CAMKK2: variants seen among roughly 807,000 people sequenced by gnomAD.
The protein encoded by CAMKK2 is calcium/calmodulin-dependent protein kinase kinase 2.
Under a neutral mutation model 67.2 loss-of-function variants are expected in CAMKK2, and 30 were observed. The ratio of observed to expected loss-of-function variants is 0.45; its 90% confidence interval spans 0.33 to 0.61. The LOEUF (loss-of-function observed/expected upper bound fraction) is 0.61, where lower values mean the gene tolerates loss of function less well. CAMKK2 is among the 20% of genes least tolerant of loss of function. CAMKK2 has a pLI of 0.02. For missense variants in CAMKK2, 643 were observed against 802.0 expected, an observed-to-expected ratio of 0.80 and a Z score of 2.39; for synonymous variants, 322 against 326.2, an observed-to-expected ratio of 0.99 and a Z score of 0.14.
At chr12:121,243,723 G>A (rs949438211) in intron 16 of CAMKK2, 7 of 379,392 alleles carry the variant, frequency 1.8e-5, no homozygotes, top group South Asian at 5.7e-5. Flanking sequence ...TGAAAATGTC[G>A]TAAAGTTGAC....
chr12:121,289,252 G>GAA (rs113246108), intron 1 of CAMKK2, among the ~76,000 whole-genome samples: 1,453 of 144,662 alleles, frequency 0.01, 26 homozygotes, highest in African/African-American at 0.034. Flanking sequence ...TTTCATAATT[G>GAA]AAAAAAAAAA....
At chr12:121,275,536 C>A (rs1896643755) in intron 1 of CAMKK2, among the ~76,000 whole-genome samples, 1 of 147,344 alleles carries the variant, frequency 6.8e-6, no homozygotes. Context: ...GTATATGCCA[C>A]AATATGGATG....
intron 1 of CAMKK2, among the ~76,000 whole-genome samples, chr12:121,283,372 G>A (rs552282815): frequency 3.3e-5 from 5 of 152,216 alleles, no homozygotes; most frequent in African/African-American, 9.6e-5. Flanking sequence ...AACTGAGTCC[G>A]CAAAAACAAA....
rs544594987 is a variant in CAMKK2 at position 121,238,951 on chromosome 12, C to T, written c.*1748G>A. On this transcript the variant is annotated 3_prime_UTR_variant, in exon 17 of 17. Transcript: ENST00000404169. ...AGAGGAAGTGCTGGGTTACAAAGACCCAGCAAGCAGGCCAGACGACCCTCT... is the reference window on the plus strand; with the variant it reads ...AGAGGAAGTGCTGGGTTACAAAGACTCAGCAAGCAGGCCAGACGACCCTCT... The T allele has an allele frequency of 1.3e-5, 2 of 152,726 alleles. No homozygotes were observed. Among genetic ancestry groups the T allele is most frequent in the South Asian group, 4.1e-4 (2 of 4,824 alleles). The allele number at this position is 152,726 out of a possible 1,614,324, so 9.5% of individuals were successfully genotyped here.
In CAMKK2 at chr12:121,253,199, G is replaced by C. The variant is rs1891136389; in HGVS notation, c.1107+74C>G. Reference sequence around the variant, plus strand: ...TTCACTGTTTAAGCCTGTGTGCGTTGGGTTTCTGCTGCTTACAATCCAGAA... The same window carrying C: ...TTCACTGTTTAAGCCTGTGTGCGTTCGGTTTCTGCTGCTTACAATCCAGAA... On this transcript the variant is annotated intron_variant, in intron 10 of 16. Coordinates refer to ENST00000404169, the MANE Select transcript of CAMKK2 (RefSeq NM_001270485.2). The surrounding 1 kb of genome is among the most constrained non-coding windows in gnomAD (Gnocchi z 5.0). 1 of 1,314,754 alleles carries C rather than the reference G, an allele frequency of 7.6e-7. No homozygotes were observed. The highest frequency in any genetic ancestry group is 1.2e-5 in the South Asian group (1 of 82,786). The allele number at this position is 1,314,754 out of a possible 1,614,324, so 81.4% of individuals were successfully genotyped here. A position where few individuals can be genotyped will look rare whatever the true frequency, so the allele number is the denominator to read the frequency against.
At chr12:121,294,275 A>G (rs1189108964) in intron 1 of CAMKK2, among the ~76,000 whole-genome samples, 1 of 152,026 alleles carries the variant, frequency 6.6e-6, no homozygotes, top group Non-Finnish European at 1.5e-5. Context: ...GCCTGCCTAC[A>G]GGACACTTTA....
At chr12:121,281,092 G>C (rs922653225) in intron 1 of CAMKK2, among the ~76,000 whole-genome samples, 1 of 152,166 alleles carries the variant, frequency 6.6e-6, no homozygotes, top group Non-Finnish European at 1.5e-5. Context: ...TCCCCCGGAC[G>C]CCCAGCTTTA....
rs1893994396 is a variant in CAMKK2 at position 121,263,956 on chromosome 12, C to T, written c.626-17G>A. ...GAGGGCGACCTGAAGGAAACAAAAA[C>T]AGACCCAGGGTCAGGGCAAAGAGAC... On this transcript the variant is annotated splice_polypyrimidine_tract_variant and intron_variant, in intron 5 of 16. Coordinates refer to ENST00000404169, the MANE Select transcript of CAMKK2 (RefSeq NM_001270485.2). The T allele has an allele frequency of 6.3e-7, 1 of 1,583,344 alleles. No individual in the cohort carries two copies.
intron 7 of CAMKK2, among the ~76,000 whole-genome samples, chr12:121,258,978 G>C (rs186566114): frequency 4.0e-5 from 6 of 151,804 alleles, no homozygotes; most frequent in Middle Eastern, 6.8e-3. Context: ...GAGTAGCCAA[G>C]ATTATAGGTG....
intron 1 of CAMKK2, among the ~76,000 whole-genome samples, chr12:121,293,752 C>A (rs997128961): frequency 6.6e-6 from 1 of 152,090 alleles, no homozygotes; most frequent in East Asian, 1.9e-4. Context: ...TCTGGCCCAT[C>A]CTTCAAGGCT....
Position 121,250,020 on chromosome 12 carries a change from G to A in CAMKK2, c.1176C>T (p.Asp392=), listed in dbSNP as rs201642728. 3.6e-5 allele frequency: 58 copies of A among 1,612,882 alleles called. No homozygotes were observed. Among genetic ancestry groups the A allele is most frequent in the Admixed American group, 1.0e-4 (6 of 59,774 alleles). ...TACTGTGTAAACACATGATCCGCTC[G>A]TCCATGAATGGGCACTGCAAAGAGG... The part of the protein sequence containing the change: ...CFVFGQCPFM[D]ERIMCLHSKI... Residue 392 remains aspartate (D), a synonymous_variant, in exon 12 of 17, where the codon GAC becomes GAT. Coordinates refer to ENST00000404169, the MANE Select transcript of CAMKK2 (RefSeq NM_001270485.2).
At chr12:121,265,247 G>C (rs536637981) in intron 5 of CAMKK2, among the ~76,000 whole-genome samples, 205 of 152,242 alleles carry the variant, frequency 1.3e-3, no homozygotes, top group South Asian at 2.5e-3. Flanking sequence ...AAAAGCAAAG[G>C]CAGAAGTACA....
chr12:121,251,752 G>A (rs897613729), intron 11 of CAMKK2, among the ~76,000 whole-genome samples: 15 of 150,860 alleles, frequency 9.9e-5, no homozygotes, highest in African/African-American at 2.4e-4. Context: ...GCTTGAACCC[G>A]GGAGGCGGAG....
At chr12:121,287,777 T>C (rs1899054166) in intron 1 of CAMKK2, among the ~76,000 whole-genome samples, 1 of 152,068 alleles carries the variant, frequency 6.6e-6, no homozygotes, top group South Asian at 2.1e-4. Flanking sequence ...GAGACCAGCT[T>C]GGGCAACACA....
At position 121,245,325 on chromosome 12, in the gene CAMKK2, C is replaced by G. The variant is rs1475461036; in HGVS notation, c.1453-85G>C. On this transcript the variant is annotated intron_variant, in intron 14 of 16. Transcript: ENST00000404169. This position sits in a 1 kb window ranked among gnomAD's most constrained non-coding sequence, Gnocchi z 5.8. ...GGGCAACATCCTCCCTCTTCCTTCTCCCCAGCCCCTGCCAGCTCCCAGGGC... is the reference window on the plus strand; with the variant it reads ...GGGCAACATCCTCCCTCTTCCTTCTGCCCAGCCCCTGCCAGCTCCCAGGGC... 1.2e-6 allele frequency: 1 copy of G among 837,876 alleles called. No individual in the cohort carries two copies. The highest frequency in any genetic ancestry group is 2.0e-6 in the Non-Finnish European group (1 of 501,000). The allele number at this position is 837,876 out of a possible 1,614,324, so 51.9% of individuals were successfully genotyped here.
At chr12:121,259,131 T>G (rs1892937743) in intron 7 of CAMKK2, among the ~76,000 whole-genome samples, 1 of 152,148 alleles carries the variant, frequency 6.6e-6, no homozygotes, top group African/African-American at 2.4e-5. Context: ...GGTGAGCCAC[T>G]GTGCCCGATC....
intron 11 of CAMKK2, among the ~76,000 whole-genome samples, chr12:121,250,927 G>A (rs1267064131): frequency 6.6e-6 from 1 of 152,240 alleles, no homozygotes; most frequent in East Asian, 1.9e-4. Context: ...GTCCCAGGAA[G>A]TACGAAGAGG....
chr12:121,248,805 G>A, intron 13 of CAMKK2, 71 bp from the exon 14 acceptor site: 2 of 1,577,292 alleles, frequency 1.3e-6, no homozygotes, highest in Non-Finnish European at 1.7e-6. Context: ...AGCGAGCGGA[G>A]CCACAAGGGC....
At chr12:121,269,869 T>C in intron 3 of CAMKK2, 1 of 276,502 alleles carries the variant, frequency 3.6e-6, no homozygotes, top group Non-Finnish European at 6.9e-6. Flanking sequence ...GCCAACATGA[T>C]GAAACCGCGT....
Sources: allele counts gnomAD v4.1 joint callset (sites outside exome capture counted in the v4.1 genomes callset), GRCh38; gene constraint gnomAD v4.1.1; non-coding constraint Gnocchi (gnomAD v3.1); transcripts MANE v1.5; gene names NCBI Gene and HGNC (gene_info 2026-07-23, HGNC 2026-07-21).